Variants in KIAA1549L observed in about 807,000 individuals in gnomAD.
The protein encoded by KIAA1549L is KIAA1549 like.
KIAA1549L carries 88 observed loss-of-function variants against 160.7 expected under a neutral mutation model. The ratio of observed to expected loss-of-function variants is 0.55; its 90% CI spans 0.46 to 0.65. KIAA1549L has a LOEUF of 0.65. Ranked by LOEUF, KIAA1549L falls within the 30% of genes least tolerant of loss-of-function variation. The pLI is 0.00. For synonymous variants in KIAA1549L, 950 were observed against 976.7 expected, an observed-to-expected ratio of 0.97 and a Z score of 0.51; for missense variants, 2,258 against 2,437.5, an observed-to-expected ratio of 0.93 and a Z score of 1.55.
At chr11:33,620,844 ATAAAG>A (rs1850940661) in intron 16 of KIAA1549L, among the ~76,000 whole-genome samples, 1 of 152,200 alleles carries the variant, frequency 6.6e-6, no homozygotes, top group African/African-American at 2.4e-5. Flanking sequence ...GGACCAGCAA[ATAAAG>A]TAGAAAAAAA....
intron 1 of KIAA1549L, among the ~76,000 whole-genome samples, chr11:33,511,912 C>T (rs950493292): frequency 2.6e-5 from 4 of 152,206 alleles, no homozygotes; most frequent in Non-Finnish European, 5.9e-5. Context: ...AAAGGCTCAG[C>T]TCTGCCTAGC....
rs1489525223 is a variant in KIAA1549L at position 33,530,018 on chromosome 11, A to G, written c.239-11784A>G. 3.3e-5 allele frequency among the ~76,000 whole-genome samples: 5 copies of G among 152,048 alleles called. No homozygotes were observed. In the East Asian group the frequency reaches 9.7e-4, roughly 29 times the overall value. On this transcript the variant is annotated intron_variant, in intron 1 of 20. Transcript: ENST00000658780. ...CTTTTAAAGGTATGGTATTTTCTGT[A>G]TCCTCAAAGTCTTTCCTGCCTAATG...
chr11:33,622,010 A>G (rs1850970869), intron 16 of KIAA1549L, among the ~76,000 whole-genome samples: 1 of 152,330 alleles, frequency 6.6e-6, no homozygotes, highest in South Asian at 2.1e-4. Context: ...AGTTCCATGC[A>G]CTGGAGGTAG....
In KIAA1549L at chr11:33,543,846, T is replaced by C. The variant is rs774271880; in HGVS notation, c.2283T>C (p.Asp761=). ...ADAIKSQDFK[D]TAGHSVTAEG... The stretch of plus-strand genomic sequence containing the variant: ...CCATAAAATCTCAGGATTTCAAAGA[T>C]ACTGCTGGGCATTCAGTGACTGCAG... Residue 761 remains aspartate, a synonymous_variant, in exon 2 of 21, where the codon GAT becomes GAC. Coordinates refer to ENST00000658780, the MANE Select transcript of KIAA1549L (RefSeq NM_012194.3). 2 of 1,614,042 alleles carry C rather than the reference T, an allele frequency of 1.2e-6. No individual in the cohort carries two copies. Among genetic ancestry groups the C allele is most frequent in the East Asian group, 4.5e-5 (2 of 44,882 alleles).
intron 1 of KIAA1549L, among the ~76,000 whole-genome samples, chr11:33,423,784 T>G (rs554893976): frequency 2.0e-5 from 3 of 152,230 alleles, no homozygotes; most frequent in African/African-American, 7.2e-5. Context: ...TTCGAGCACT[T>G]TGGGAGGCCA....
At chr11:33,435,778 A>ATGTGTGTGTGTGTGTG (rs1293537942) in intron 1 of KIAA1549L, among the ~76,000 whole-genome samples, 3 of 17,630 alleles carry the variant, frequency 1.7e-4, no homozygotes, top group Non-Finnish European at 2.7e-4. Context: ...ATATATATAT[A>ATGTGTGTGTGTGTGTG]TATATATATA....
At position 33,606,742 on chromosome 11, in the gene KIAA1549L, G is replaced by C. The variant is rs1850513390; in HGVS notation, c.4981G>C (p.Ala1661Pro). Residue 1661 changes from alanine (A) to proline (P), a missense_variant, in exon 14 of 21, where the codon GCC becomes CCC. Physicochemically the swap from Ala to Pro is conservative, Grantham distance 27. Transcript: ENST00000658780. ...ATCTTCTGGGTCTGTGCAGCTCATTGCCATAAAACCCACAGCCCTCCCCAT... is the reference window on the plus strand; with the variant it reads ...ATCTTCTGGGTCTGTGCAGCTCATTCCCATAAAACCCACAGCCCTCCCCAT... ...DTSSGSVQLI[A>P]IKPTALPMVP... The C allele has an allele frequency of 1.2e-6, 2 of 1,613,756 alleles. No homozygotes were observed. The highest frequency in any genetic ancestry group is 1.7e-6 in the Non-Finnish European group (2 of 1,179,840).
At chr11:33,474,068 G>T (rs533957503) in intron 1 of KIAA1549L, among the ~76,000 whole-genome samples, 2 of 152,072 alleles carry the variant, frequency 1.3e-5, no homozygotes, top group East Asian at 3.9e-4. Flanking sequence ...AAGGTGGCAG[G>T]CTCTTTAAAC....
chr11:33,444,893 TA>T (rs934327381), intron 1 of KIAA1549L, among the ~76,000 whole-genome samples: 1 of 152,212 alleles, frequency 6.6e-6, no homozygotes, highest in African/African-American at 2.4e-5. Context: ...TCCACTGCTT[TA>T]TAGCTCTCTG....
At chr11:33,412,840 T>C (rs1017798482) in intron 1 of KIAA1549L, among the ~76,000 whole-genome samples, 2 of 152,230 alleles carry the variant, frequency 1.3e-5, no homozygotes, top group African/African-American at 4.8e-5. Context: ...ATAGATGCTA[T>C]TTTTCTCTTC....
chr11:33,408,510 T>TATATATATAC (rs58439063), intron 1 of KIAA1549L, among the ~76,000 whole-genome samples: 303 of 146,090 alleles, frequency 2.1e-3, no homozygotes, highest in African/African-American at 6.0e-3. Flanking sequence ...TATATATATA[T>TATATATATAC]ACACATGTAT....
At chr11:33,387,055 C>T (rs921719085) in intron 1 of KIAA1549L, among the ~76,000 whole-genome samples, 10 of 148,608 alleles carry the variant, frequency 6.7e-5, no homozygotes, top group Admixed American at 2.0e-4. Flanking sequence ...TGCAGTGAGT[C>T]GGGATTGTGC....
intron 10 of KIAA1549L, among the ~76,000 whole-genome samples, chr11:33,578,074 G>C (rs1409836534): frequency 6.6e-6 from 1 of 152,166 alleles, no homozygotes; most frequent in African/African-American, 2.4e-5. Flanking sequence ...CTTGGGACGG[G>C]CATGAAAAGG....
intron 16 of KIAA1549L, among the ~76,000 whole-genome samples, chr11:33,639,222 G>A (rs1379130824): frequency 6.6e-6 from 1 of 152,220 alleles, no homozygotes; most frequent in Non-Finnish European, 1.5e-5. Flanking sequence ...GTTTCAAAGA[G>A]AGGATGAAGT....
chr11:33,521,862 AT>A, intron 1 of KIAA1549L, among the ~76,000 whole-genome samples: 1 of 152,218 alleles, frequency 6.6e-6, no homozygotes, highest in Admixed American at 6.5e-5. Context: ...ATAAAGGAAA[AT>A]CCCATACTGA....
intron 1 of KIAA1549L, among the ~76,000 whole-genome samples, chr11:33,393,720 G>A (rs1015141064): frequency 2.6e-5 from 4 of 152,210 alleles, no homozygotes; most frequent in South Asian, 2.1e-4. Context: ...TACTTATACC[G>A]TGTAAAGGTG....
At chr11:33,456,903 G>A (rs1406249398) in intron 1 of KIAA1549L, among the ~76,000 whole-genome samples, 1 of 152,226 alleles carries the variant, frequency 6.6e-6, no homozygotes, top group African/African-American at 2.4e-5. Flanking sequence ...AGGCAACAGG[G>A]AAGAGAGATG....
At chr11:33,429,878 G>A (rs576377292) in intron 1 of KIAA1549L, among the ~76,000 whole-genome samples, 1 of 152,200 alleles carries the variant, frequency 6.6e-6, no homozygotes, top group Admixed American at 6.5e-5. Flanking sequence ...GTGGAATCCT[G>A]AAGTAGCCTA....
chr11:33,465,393 T>C lies in KIAA1549L; in HGVS notation c.239-76409T>C, dbSNP rs1852035832. On this transcript the variant is annotated intron_variant, in intron 1 of 20. Transcript: ENST00000658780. ...TGTCTTCCTTCACCGTCACCTCTTA[T>C]GGGAAATATTCTCTGACCCCAGAGC... 3.3e-5 allele frequency among the ~76,000 whole-genome samples: 5 copies of C among 152,068 alleles called. No homozygotes were observed. In the South Asian group the frequency reaches 8.3e-4, roughly 25 times the overall value.
Sources: allele counts gnomAD v4.1 joint callset (sites outside exome capture counted in the v4.1 genomes callset), GRCh38; gene constraint gnomAD v4.1.1; transcripts MANE v1.5; gene names NCBI Gene and HGNC (gene_info 2026-07-23, HGNC 2026-07-21).